The following ADAM7 variants were observed in gnomAD, a reference collection of about 807,000 sequenced individuals.
ADAM7 encodes the protein disintegrin and metalloproteinase domain-containing protein 7.
Under a neutral mutation model 102.9 loss-of-function variants are expected in ADAM7, and 97 were observed. That is an observed-to-expected ratio of 0.94 (90% confidence interval 0.80 to 1.12). ADAM7 has a LOEUF of 1.12. Ranked by LOEUF, ADAM7 falls within the 50% of genes most tolerant of loss-of-function variation. ADAM7 has a pLI of 0.00. For synonymous variants in ADAM7, 334 were observed against 304.4 expected, an observed-to-expected ratio of 1.10 and a Z score of -1.01; for missense variants, 991 against 908.7, an observed-to-expected ratio of 1.09 and a Z score of -1.16.
chr8:24,465,478 T>C (rs1321315098), intron 4 of ADAM7, among the ~76,000 whole-genome samples: 1 of 152,232 alleles, frequency 6.6e-6, no homozygotes, highest in Non-Finnish European at 1.5e-5. Context: ...GAATCTATAC[T>C]TTGCTTTACA....
In ADAM7 at chr8:24,508,665, T is replaced by G; in HGVS notation, c.*119T>G. The G allele has an allele frequency of 6.4e-7, 1 of 1,565,000 alleles. No homozygotes were observed. The highest frequency in any genetic ancestry group is 8.7e-7 in the Non-Finnish European group (1 of 1,152,022). ...ACATTTTTGGTAGTGTTTCAAACGT[T>G]CTTTATCCAGACAGACAATGTTTAA... On this transcript the variant is annotated 3_prime_UTR_variant, in exon 22 of 22. Coordinates refer to ENST00000175238, the MANE Select transcript of ADAM7 (RefSeq NM_003817.4).
intron 3 of ADAM7, among the ~76,000 whole-genome samples, chr8:24,453,232 A>C (rs1441057421): frequency 6.6e-5 from 10 of 152,124 alleles, no homozygotes; most frequent in Admixed American, 6.5e-4. Flanking sequence ...CCTGGATAAT[A>C]TCTTGCAGAG....
chr8:24,466,922 A>T lies in ADAM7; in HGVS notation c.513A>T (p.Thr171=). The T allele has an allele frequency of 6.2e-7, 1 of 1,614,060 alleles. No homozygotes were observed. The highest frequency in any genetic ancestry group is 8.5e-7 in the Non-Finnish European group (1 of 1,179,948). The part of the protein sequence containing the change: ...RVPYGANYSC[T]ELNFTRKTVP... Reference sequence around the variant, plus strand: ...CGTATGGTGCCAATTATTCCTGTACAGAGCTTAATTTTACCAGAAAAACTG... The same window carrying T: ...CGTATGGTGCCAATTATTCCTGTACTGAGCTTAATTTTACCAGAAAAACTG... Residue 171 remains threonine (T), a synonymous_variant, in exon 6 of 22, where the codon ACA becomes ACT. Transcript: ENST00000175238.
intron 18 of ADAM7, 29 bp downstream of exon 18, chr8:24,500,285 A>G (rs766521935): frequency 2.8e-5 from 45 of 1,587,868 alleles, no homozygotes; most frequent in Non-Finnish European, 3.6e-5. Context: ...AATCTTTCAT[A>G]TATCAAAAGC....
rs139537394 is a variant in ADAM7, at chr8:24,487,126, G to T, written c.961-61G>T. The T allele has an allele frequency of 7.8e-3, 11,952 of 1,529,106 alleles. 54 individuals are homozygous for T. Among genetic ancestry groups the T allele is most frequent in the Non-Finnish European group, 9.9e-3 (11,199 of 1,129,352 alleles). The allele number at this position is 1,529,106 out of a possible 1,614,324, so 94.7% of individuals were successfully genotyped here. A position where few individuals can be genotyped will look rare whatever the true frequency, so the allele number is the denominator to read the frequency against. On this transcript the variant is annotated intron_variant, in intron 10 of 21. Transcript: ENST00000175238. ...CAGGTCTTTCAACCACTAGTTTGAAGCACTATGTACTACAGTATGCTAACT... is the reference window on the plus strand; with the variant it reads ...CAGGTCTTTCAACCACTAGTTTGAATCACTATGTACTACAGTATGCTAACT...
chr8:24,469,916 G>T (rs192877517), intron 7 of ADAM7, among the ~76,000 whole-genome samples: 31 of 152,120 alleles, frequency 2.0e-4, no homozygotes, highest in African/African-American at 7.5e-4. Flanking sequence ...CATTTCTCCA[G>T]AGAAATAAAA....
chr8:24,450,498 T>A (rs1371135066), intron 3 of ADAM7, among the ~76,000 whole-genome samples: 2 of 151,778 alleles, frequency 1.3e-5, no homozygotes, highest in Non-Finnish European at 3.0e-5. Flanking sequence ...GTACATTGAT[T>A]TTGTATCCTG....
intron 9 of ADAM7, among the ~76,000 whole-genome samples, chr8:24,482,561 C>G (rs941416173): frequency 3.9e-5 from 6 of 151,922 alleles, no homozygotes; most frequent in African/African-American, 1.5e-4. Context: ...CAGCCCCAGG[C>G]AACATAGCAA....
intron 6 of ADAM7, among the ~76,000 whole-genome samples, chr8:24,468,082 A>C (rs1819488889): frequency 6.6e-6 from 1 of 152,112 alleles, no homozygotes; most frequent in Admixed American, 6.5e-5. Context: ...AAAATAAATA[A>C]AAATAAATTT....
intron 20 of ADAM7, chr8:24,506,210 AT>A: frequency 7.5e-7 from 1 of 1,337,196 alleles, no homozygotes; most frequent in South Asian, 1.3e-5. Flanking sequence ...TCCAATAATA[AT>A]TTTCATGAAA....
At chr8:24,473,455 C>T (rs528638450) in intron 7 of ADAM7, among the ~76,000 whole-genome samples, 1 of 152,188 alleles carries the variant, frequency 6.6e-6, no homozygotes, top group Admixed American at 6.6e-5. Flanking sequence ...CATAGCTGGG[C>T]ATCAAAGCAC....
In ADAM7 at chr8:24,490,658, T is replaced by A. The variant is rs571818447; in HGVS notation, c.1267-141T>A. ...CCCAAATACCCGTTCTAAACAGTAA[T>A]CTTTATGTATGTACCACAGCCAACA... On this transcript the variant is annotated intron_variant, in intron 12 of 21. Transcript: ENST00000175238. 1.7e-5 allele frequency: 13 copies of A among 762,628 alleles called. No homozygotes were observed. In the African/African-American group the frequency reaches 2.1e-4, roughly 12 times the overall value. 47.2% of individuals were successfully genotyped at this position (762,628 alleles called of 1,614,324 possible).
chr8:24,459,319 A>C (rs1393053222), intron 3 of ADAM7, among the ~76,000 whole-genome samples: 1 of 151,954 alleles, frequency 6.6e-6, no homozygotes, highest in African/African-American at 2.4e-5. Context: ...ATATTATCTT[A>C]TAATTTTTAA....
In ADAM7 at chr8:24,476,448, C is replaced by T. The variant is rs761875325; in HGVS notation, c.649C>T (p.His217Tyr). Residue 217 changes from histidine to tyrosine, a missense_variant, in exon 8 of 22, where the codon CAT (histidine) becomes TAT (tyrosine). By Grantham distance (83) the His-to-Tyr change is moderately conservative (BLOSUM62 2). Transcript: ENST00000175238. ...ATATTTCCAGTATCGCAGAAATGGTCATCCTCACAATAAACTAAGGAACCG... is the reference window on the plus strand; with the variant it reads ...ATATTTCCAGTATCGCAGAAATGGTTATCCTCACAATAAACTAAGGAACCG... ...ADDTVYRRNG[H>Y]PHNKLRNRIW... is the part of the protein sequence containing the mutation. 8 of 1,604,936 alleles carry T rather than the reference C, an allele frequency of 5.0e-6. No homozygotes were observed. Among genetic ancestry groups the T allele is most frequent in the Non-Finnish European group, 6.8e-6 (8 of 1,173,872 alleles).
chr8:24,492,393 G>A (rs1238403879), intron 14 of ADAM7, 102 bp from the exon 15 acceptor site: 1 of 867,340 alleles, frequency 1.2e-6, no homozygotes, highest in Admixed American at 2.6e-5. Flanking sequence ...ACTTCACTAT[G>A]ACATGATTCT....
chr8:24,443,075 AATAG>A (rs750535314), intron 2 of ADAM7, among the ~76,000 whole-genome samples: 7 of 152,244 alleles, frequency 4.6e-5, no homozygotes, highest in Non-Finnish European at 8.8e-5. Flanking sequence ...TATTATAGAA[AATAG>A]ATAATATATG....
intron 10 of ADAM7, among the ~76,000 whole-genome samples, chr8:24,486,569 A>G (rs555691113): frequency 2.0e-5 from 3 of 152,278 alleles, no homozygotes; most frequent in South Asian, 4.2e-4. Flanking sequence ...ATCACAAATG[A>G]ATGGGTAAGA....
At chr8:24,474,539 A>G (rs1401376590) in intron 7 of ADAM7, among the ~76,000 whole-genome samples, 1 of 152,110 alleles carries the variant, frequency 6.6e-6, no homozygotes, top group Non-Finnish European at 1.5e-5. Context: ...CAAATAGTTA[A>G]TGAGCATTCA....
Position 24,447,270 on chromosome 8 carries a change from C to T in ADAM7, c.233+8C>T. The stretch of plus-strand genomic sequence containing the variant: ...TCATCTTCTAAGATCCAGGTAAGTT[C>T]TATTGTGATTCCAGTACCTTATAGA... On this transcript the variant is annotated splice_region_variant and intron_variant, in intron 3 of 21. Coordinates refer to ENST00000175238, the MANE Select transcript of ADAM7 (RefSeq NM_003817.4). The T allele has an allele frequency of 6.8e-7, 1 of 1,473,824 alleles. No homozygotes were observed. The highest frequency in any genetic ancestry group is 2.4e-5 in the East Asian group (1 of 41,108). 91.3% of individuals were successfully genotyped at this position (1,473,824 alleles called of 1,614,324 possible).
Sources: gnomAD v4.1 joint callset for allele counts (sites outside exome capture counted in the v4.1 genomes callset) on GRCh38, gnomAD v4.1.1 for gene constraint, MANE v1.5 for transcripts, NCBI Gene and HGNC (gene_info 2026-07-23, HGNC 2026-07-21) for gene names.